Variants in NGFR observed in about 807,000 individuals in gnomAD.
NGFR encodes nerve growth factor receptor, also known as tumor necrosis factor receptor superfamily member 16.
In NGFR, 30 loss-of-function variants were observed where a neutral mutation model predicts 43.2. That is an observed-to-expected ratio of 0.69 (90% CI 0.52 to 0.94). The LOEUF is 0.94. Ranked by LOEUF, NGFR falls within the 40% of genes least tolerant of loss-of-function variation. The pLI, the probability that NGFR is intolerant of heterozygous loss-of-function variation, is 0.00. For missense variants in NGFR, 529 were observed against 602.5 expected (o/e 0.88, Z 1.28); for synonymous variants, 246 against 259.6 (o/e 0.95, Z 0.50).
rs372325709 is a variant in NGFR at position 49,512,063 on chromosome 17, G to T, written c.982+11G>T. On this transcript the variant is annotated intron_variant, in intron 5 of 5. Transcript: ENST00000172229. This position sits in a 1 kb window ranked among gnomAD's most constrained non-coding sequence, Gnocchi z 5.2. Reference sequence around the variant, plus strand: ...CAGCCTCGGGCCAGGGTGAGCAGCGGCCCGCTGGGGAGCTGAGGCGGAGCT... The same window carrying T: ...CAGCCTCGGGCCAGGGTGAGCAGCGTCCCGCTGGGGAGCTGAGGCGGAGCT... The T allele has an allele frequency of 2.8e-5, 45 of 1,610,230 alleles. No individual in the cohort carries two copies. The African/African-American group carries it at 5.1e-4, about 18-fold the overall frequency.
chr17:49,506,438 T>A lies in NGFR; in HGVS notation c.348T>A (p.Asp116Glu), dbSNP rs774079802. ...GCTGCGCCTACGGCTACTACCAGGA[T>A]GAGACGACTGGGCGCTGCGAGGCGT... ...VCRCAYGYYQ[D>E]ETTGRCEACR... is the part of the protein sequence containing the mutation. The change falls in exon 3 of 6, where the codon GAT (aspartate) becomes GAA (glutamate). Residue 116 changes from aspartate to glutamate, a missense_variant. By Grantham distance (45) the Asp-to-Glu change is conservative (BLOSUM62 2). Coordinates refer to ENST00000172229, the MANE Select transcript of NGFR (RefSeq NM_002507.4). 140 of 1,607,402 alleles carry A rather than the reference T, an allele frequency of 8.7e-5. No individual in the cohort carries two copies. The highest frequency in any genetic ancestry group is 1.1e-4 in the Non-Finnish European group (135 of 1,178,752).
chr17:49,508,409 G>A (rs950014106), intron 3 of NGFR, among the ~76,000 whole-genome samples: 1 of 152,220 alleles, frequency 6.6e-6, no homozygotes, highest in Admixed American at 6.5e-5. Context: ...TCCTGAGGGA[G>A]TGTTCATACC....
chr17:49,503,983 G>A (rs2071182017), intron 2 of NGFR, among the ~76,000 whole-genome samples: 1 of 152,066 alleles, frequency 6.6e-6, no homozygotes, highest in South Asian at 2.1e-4. Context: ...CAGAGAGGTG[G>A]CTTTGAGAAT....
chr17:49,510,478 C>A lies in NGFR; in HGVS notation c.635C>A (p.Thr212Asn), dbSNP rs1254200982. The A allele has an allele frequency of 3.1e-6, 5 of 1,614,028 alleles. No homozygotes were observed. The Admixed American group carries it at 5.0e-5, about 16-fold the overall frequency. Residue 212 changes from threonine to asparagine, a missense_variant, in exon 4 of 6, where the codon ACC becomes AAC. Physicochemically the swap from Thr to Asn is moderately conservative, Grantham distance 65. Transcript: ENST00000172229. ...GGCTCGGACAGCACAGCCCCCAGCA[C>A]CCAGGAGCCTGAGGCACCTCCAGAA... ...PEGSDSTAPS[T>N]QEPEAPPEQD...
intron 1 of NGFR, among the ~76,000 whole-genome samples, chr17:49,498,021 T>A (rs1022260460): frequency 2.9e-4 from 44 of 152,306 alleles, no homozygotes; most frequent in Admixed American, 5.2e-4. Context: ...ATTTAATCCT[T>A]ATAAGGTCCT....
chr17:49,499,260 C>A (rs1329930402), intron 1 of NGFR, among the ~76,000 whole-genome samples: 3 of 152,146 alleles, frequency 2.0e-5, no homozygotes, highest in Non-Finnish European at 4.4e-5. Flanking sequence ...TTGCACAAAG[C>A]CCCCACACCA....
chr17:49,505,392 TGAA>T (rs1236479303), intron 2 of NGFR, among the ~76,000 whole-genome samples: 1 of 152,006 alleles, frequency 6.6e-6, no homozygotes, highest in East Asian at 1.9e-4. Flanking sequence ...CTGGAAGGGG[TGAA>T]GAAGATCTGG....
At chr17:49,506,694 G>T in intron 3 of NGFR, 36 bp downstream of exon 3, 1 of 913,228 alleles carries the variant, frequency 1.1e-6, no homozygotes, top group Non-Finnish European at 1.5e-6. Context: ...GAGTGGGGGT[G>T]CGGGGGTGGG....
rs2071240750 is a variant in NGFR at position 49,512,619 on chromosome 17, C to A, written c.983-89C>A. 2.0e-6 allele frequency: 3 copies of A among 1,465,468 alleles called. No homozygotes were observed. The highest frequency in any genetic ancestry group is 1.4e-5 in the South Asian group (1 of 73,604). The allele number at this position is 1,465,468 out of a possible 1,614,324, so 90.8% of individuals were successfully genotyped here. A position where few individuals can be genotyped will look rare whatever the true frequency, so the allele number is the denominator to read the frequency against. Reference sequence around the variant, plus strand: ...GCCTCCAGATGGGGAGGAGCACTGCCTCGGCCCTTCTTGGGTCTCACCCCA... The same window carrying A: ...GCCTCCAGATGGGGAGGAGCACTGCATCGGCCCTTCTTGGGTCTCACCCCA... On this transcript the variant is annotated intron_variant, in intron 5 of 5. Transcript: ENST00000172229. The surrounding 1 kb of genome is among the most constrained non-coding windows in gnomAD (Gnocchi z 5.2).
chr17:49,501,698 A>C (rs559663476), intron 1 of NGFR, among the ~76,000 whole-genome samples: 1 of 152,316 alleles, frequency 6.6e-6, no homozygotes, highest in East Asian at 1.9e-4. Context: ...TGCAAGCTAC[A>C]ACCTGTCCAA....
At position 49,502,205 on chromosome 17, in the gene NGFR, G is replaced by A; in HGVS notation, c.208+1G>A. The A allele has an allele frequency of 6.3e-7, 1 of 1,595,512 alleles. No homozygotes were observed. Among genetic ancestry groups the A allele is most frequent in the Non-Finnish European group, 8.6e-7 (1 of 1,168,224 alleles). On this transcript the variant is annotated splice_donor_variant, in intron 2 of 5. Coordinates refer to ENST00000172229, the MANE Select transcript of NGFR (RefSeq NM_002507.4). LOFTEE classifies it high-confidence loss of function. ...ACCGTGTGTGAGCCCTGCCTGGACA[G>A]TGAGTAGAGGGTGGCGGGCAGGAGG...
At chr17:49,511,784 G>T in intron 4 of NGFR, 108 bp from the exon 5 acceptor site, 1 of 1,307,758 alleles carries the variant, frequency 7.6e-7, no homozygotes, top group Non-Finnish European at 1.0e-6. Context: ...GGTTATAATT[G>T]GGCACCCGCC....
At chr17:49,498,495 C>T (rs1163856197) in intron 1 of NGFR, among the ~76,000 whole-genome samples, 2 of 152,182 alleles carry the variant, frequency 1.3e-5, no homozygotes, top group East Asian at 3.8e-4. Context: ...GACCACGGCC[C>T]CATTCACTTA....
chr17:49,512,702 CT>C lies in NGFR; in HGVS notation c.983-5del. On this transcript the variant is annotated splice_region_variant and splice_polypyrimidine_tract_variant and intron_variant, in intron 5 of 5. Coordinates refer to ENST00000172229, the MANE Select transcript of NGFR (RefSeq NM_002507.4). This position sits in a 1 kb window ranked among gnomAD's most constrained non-coding sequence, Gnocchi z 5.2. ...AGGACCTGACTCTCCTCTGGTTTCT[CT>C]GCAGCCCTCAAGGGTGACGGAGGCC... 6.4e-7 allele frequency: 1 copy of C among 1,572,630 alleles called. No homozygotes were observed. The highest frequency in any genetic ancestry group is 8.6e-7 in the Non-Finnish European group (1 of 1,158,132).
At chr17:49,498,908 T>G (rs1225004984) in intron 1 of NGFR, among the ~76,000 whole-genome samples, 1 of 152,320 alleles carries the variant, frequency 6.6e-6, no homozygotes, top group East Asian at 1.9e-4. Context: ...CTCCTTAAGA[T>G]GAGATGCTTC....
intron 3 of NGFR, among the ~76,000 whole-genome samples, chr17:49,507,004 A>G (rs2143438609): frequency 6.6e-6 from 1 of 152,298 alleles, no homozygotes; most frequent in African/African-American, 2.4e-5. Context: ...GCTGAACAGC[A>G]AGCAGCTCGA....
At chr17:49,506,155 C>T (rs555155273) in intron 2 of NGFR, 144 bp from the exon 3 acceptor site, 4 of 1,428,226 alleles carry the variant, frequency 2.8e-6, no homozygotes, top group Admixed American at 5.5e-5. Context: ...GGTCAGGGTC[C>T]CTTGGAAGAG....
At chr17:49,506,683 GGAGT>G in intron 3 of NGFR, 25 bp downstream of exon 3, 1 of 1,181,788 alleles carries the variant, frequency 8.5e-7, no homozygotes, top group Non-Finnish European at 1.1e-6. Context: ...GGGGGCGGGG[GGAGT>G]GGGGGTGCGG....
intron 1 of NGFR, chr17:49,497,203 C>G (rs1303993162): frequency 6.6e-6 from 1 of 152,258 alleles, no homozygotes; most frequent in Non-Finnish European, 1.5e-5. Flanking sequence ...AGTCCGTCGG[C>G]GGTAGAGCCT....
Sources: allele counts gnomAD v4.1 joint callset (sites outside exome capture counted in the v4.1 genomes callset), GRCh38; gene constraint gnomAD v4.1.1; non-coding constraint Gnocchi (gnomAD v3.1); transcripts MANE v1.5; gene names NCBI Gene and HGNC (gene_info 2026-07-23, HGNC 2026-07-21).